GADL1: variants seen among roughly 807,000 people sequenced by gnomAD.
GADL1 encodes the protein GAD like acidic amino acid decarboxylase 1, also known as acidic amino acid decarboxylase GADL1.
In GADL1, 71 loss-of-function variants were observed where a neutral mutation model predicts 69.5. That is an observed-to-expected ratio of 1.02 (90% CI 0.84 to 1.25). GADL1 has a LOEUF of 1.25. Among genes scored for constraint, GADL1 ranks in the 50% most tolerant of loss-of-function variants. The probability of loss-of-function intolerance (pLI) is 0.00; values close to 1 mark genes in which losing one functional copy is unlikely to be tolerated. For missense variants in GADL1, 737 were observed against 631.8 expected (o/e 1.17, Z -1.79); for synonymous variants, 254 against 214.4 (o/e 1.18, Z -1.62).
At position 30,814,718 on chromosome 3, in the gene GADL1, A is replaced by G. The variant is rs1575217699; in HGVS notation, c.1051-13630T>C. 1.3e-5 allele frequency among the ~76,000 whole-genome samples: 2 copies of G among 152,280 alleles called. 1 individual carries two copies. On this transcript the variant is annotated intron_variant, in intron 11 of 14. Coordinates refer to ENST00000282538, the MANE Select transcript of GADL1 (RefSeq NM_207359.3). Reference sequence around the variant, plus strand: ...GTTAAACATTTATATGAAGGCTGCAAAACCAGAGACATTATTCTTGATTAA... The same window carrying G: ...GTTAAACATTTATATGAAGGCTGCAGAACCAGAGACATTATTCTTGATTAA...
intron 11 of GADL1, among the ~76,000 whole-genome samples, chr3:30,811,151 A>G (rs1314413176): frequency 2.6e-5 from 4 of 152,200 alleles, no homozygotes; most frequent in Non-Finnish European, 1.5e-5. Context: ...ACTTTAGTAC[A>G]AGATCTGAGA....
chr3:30,771,568 A>C (rs2125492467), intron 14 of GADL1, among the ~76,000 whole-genome samples: 1 of 152,358 alleles, frequency 6.6e-6, no homozygotes, highest in East Asian at 1.9e-4. Context: ...TAAATTTTAA[A>C]GTACAGCTTG....
intron 4 of GADL1, among the ~76,000 whole-genome samples, chr3:30,851,196 G>A (rs1402135826): frequency 2.0e-5 from 3 of 152,136 alleles, no homozygotes; most frequent in Non-Finnish European, 2.9e-5. Context: ...CCTCAATTCC[G>A]TGAGGAGCAA....
intron 14 of GADL1, among the ~76,000 whole-genome samples, chr3:30,772,804 A>T (rs983733743): frequency 6.6e-5 from 10 of 152,202 alleles, no homozygotes; most frequent in African/African-American, 2.4e-4. Flanking sequence ...TGAACCCAGG[A>T]GGTGGAGGTT....
intron 1 of GADL1, among the ~76,000 whole-genome samples, chr3:30,874,762 A>C (rs1369268480): frequency 6.6e-6 from 1 of 152,010 alleles, no homozygotes; most frequent in Non-Finnish European, 1.5e-5. Context: ...GCACATTTAT[A>C]CAAAACAACA....
intron 3 of GADL1, among the ~76,000 whole-genome samples, chr3:30,855,970 A>C (rs1698225898): frequency 1.3e-5 from 2 of 151,762 alleles, no homozygotes; most frequent in Admixed American, 1.3e-4. Flanking sequence ...AATTTTAATA[A>C]GTTTTTTTTA....
At chr3:30,870,737 G>T (rs1361452062) in intron 1 of GADL1, among the ~76,000 whole-genome samples, 1 of 151,578 alleles carries the variant, frequency 6.6e-6, no homozygotes, top group Non-Finnish European at 1.5e-5. Context: ...GCTGCAACTT[G>T]GGAGATATTT....
chr3:30,818,117 A>G (rs570012036), intron 11 of GADL1, among the ~76,000 whole-genome samples: 22 of 152,248 alleles, frequency 1.4e-4, no homozygotes, highest in African/African-American at 4.8e-4. Flanking sequence ...ATCCATAGAC[A>G]TGGGCATAAT....
Position 30,861,593 on chromosome 3 carries a change from C to T in GADL1, c.210G>A (p.Lys70=), listed in dbSNP as rs1020519920. 28 of 1,539,560 alleles carry T rather than the reference C, an allele frequency of 1.8e-5. No individual in the cohort carries two copies. Among genetic ancestry groups the T allele is most frequent in the Non-Finnish European group, 2.4e-5 (27 of 1,142,012 alleles). Residue 70 remains lysine, a splice_region_variant and synonymous_variant, in exon 2 of 15, where the codon AAG becomes AAA. Transcript: ENST00000282538. The part of the protein sequence containing the change: ...VVLKATDVNE[K]VCEWRPPEQL... ...ATTTCTTACAGGTTTTAATTTTTAC[C>T]TTCTCATTGACATCTGTAGCTTTCA...
At chr3:30,806,422 G>A (rs1335859647) in intron 11 of GADL1, among the ~76,000 whole-genome samples, 3 of 152,136 alleles carry the variant, frequency 2.0e-5, no homozygotes, top group Non-Finnish European at 4.4e-5. Context: ...AAAAGACTTG[G>A]CTGTAATCTA....
chr3:30,789,234 C>T (rs1487516083), intron 12 of GADL1, among the ~76,000 whole-genome samples: 1 of 152,182 alleles, frequency 6.6e-6, no homozygotes, highest in Admixed American at 6.6e-5. Context: ...ATATTAATCT[C>T]CTTGTACATC....
At chr3:30,853,852 C>G (rs368526199) in intron 4 of GADL1, among the ~76,000 whole-genome samples, 7 of 152,116 alleles carry the variant, frequency 4.6e-5, no homozygotes, top group African/African-American at 1.7e-4. Flanking sequence ...GCCCTCCTAA[C>G]GGGTCCCCTC....
At chr3:30,763,231 G>A (rs1327043801) in intron 14 of GADL1, among the ~76,000 whole-genome samples, 1 of 152,148 alleles carries the variant, frequency 6.6e-6, no homozygotes, top group Non-Finnish European at 1.5e-5. Flanking sequence ...AGGAACAGTG[G>A]CTCACGCCTG....
intron 14 of GADL1, among the ~76,000 whole-genome samples, chr3:30,756,597 C>T (rs2125482067): frequency 6.6e-6 from 1 of 152,286 alleles, no homozygotes; most frequent in East Asian, 1.9e-4. Flanking sequence ...TAAATTCTGA[C>T]CCAAGGCCTC....
intron 1 of GADL1, among the ~76,000 whole-genome samples, chr3:30,867,491 G>T (rs1203175512): frequency 6.8e-6 from 1 of 146,150 alleles, no homozygotes; most frequent in African/African-American, 2.5e-5. Context: ...CTTACTATGT[G>T]CCAGGCCCTG....
At chr3:30,757,369 C>CT (rs1559489604) in intron 14 of GADL1, among the ~76,000 whole-genome samples, 3 of 150,544 alleles carry the variant, frequency 2.0e-5, no homozygotes, top group African/African-American at 7.5e-5. Flanking sequence ...GTGAATAGAT[C>CT]AGAGGCTAGA....
At chr3:30,892,550 T>C (rs1056307166) in intron 1 of GADL1, among the ~76,000 whole-genome samples, 1 of 152,230 alleles carries the variant, frequency 6.6e-6, no homozygotes, top group African/African-American at 2.4e-5. Context: ...TATTTATAAA[T>C]CATATATTCA....
chr3:30,835,297 A>ATTG (rs1181820340), intron 9 of GADL1, among the ~76,000 whole-genome samples: 4 of 152,094 alleles, frequency 2.6e-5, no homozygotes, highest in Non-Finnish European at 5.9e-5. Context: ...GCTTTAGGCA[A>ATTG]TAGGTAAGTT....
intron 14 of GADL1, among the ~76,000 whole-genome samples, chr3:30,768,035 A>T (rs1408457027): frequency 2.4e-4 from 34 of 142,744 alleles, no homozygotes; most frequent in Non-Finnish European, 2.9e-4. Flanking sequence ...AACTCCCCAT[A>T]CCCCCCCCCC....
Sources: gnomAD v4.1 joint callset for allele counts (sites outside exome capture counted in the v4.1 genomes callset) on GRCh38, gnomAD v4.1.1 for gene constraint, MANE v1.5 for transcripts, NCBI Gene and HGNC (gene_info 2026-07-23, HGNC 2026-07-21) for gene names.